Variants in SVIL observed in about 807,000 individuals in gnomAD.
SVIL encodes the protein archvillin.
Under a neutral mutation model 240.4 loss-of-function variants are expected in SVIL, and 101 were observed. The observed-to-expected ratio is 0.42, with a 90% confidence interval of 0.36 to 0.50. The LOEUF is 0.50. SVIL is among the 20% of genes least tolerant of loss of function. SVIL has a pLI of 0.01. For synonymous variants in SVIL, 999 were observed against 1,100.0 expected, an observed-to-expected ratio of 0.91 and a Z score of 1.82; for missense variants, 2,512 against 2,818.7, an observed-to-expected ratio of 0.89 and a Z score of 2.46.
At chr10:29,488,560 C>A (rs767614534) in intron 23 of SVIL, 41 bp downstream of exon 23, 4 of 1,515,682 alleles carry the variant, frequency 2.6e-6, no homozygotes, top group Admixed American at 4.9e-5. Flanking sequence ...CAGACAGAAA[C>A]CACGGGCCCT....
intron 1 of SVIL, among the ~76,000 whole-genome samples, chr10:29,726,066 T>C (rs769366158): frequency 6.6e-6 from 1 of 152,134 alleles, no homozygotes; most frequent in African/African-American, 2.4e-5. Flanking sequence ...GGACTACAGG[T>C]GTGTGCCACC....
chr10:29,676,226 C>T (rs1242871937), intron 2 of SVIL, among the ~76,000 whole-genome samples: 1 of 152,220 alleles, frequency 6.6e-6, no homozygotes, highest in African/African-American at 2.4e-5. Context: ...TCTTCCCTGG[C>T]AGTACTGATT....
intron 1 of SVIL, among the ~76,000 whole-genome samples, chr10:29,622,687 T>C (rs139801941): frequency 7.9e-5 from 12 of 152,282 alleles, no homozygotes; most frequent in African/African-American, 2.9e-4. Flanking sequence ...TTTAAGCTAA[T>C]GTCTCCCAGA....
At chr10:29,520,434 C>A (rs1436678229) in intron 16 of SVIL, among the ~76,000 whole-genome samples, 1 of 152,222 alleles carries the variant, frequency 6.6e-6, no homozygotes, top group Non-Finnish European at 1.5e-5. Context: ...CATCCCTCTC[C>A]TCATTGCACT....
chr10:29,569,751 T>TG (rs1955289927), intron 1 of SVIL, among the ~76,000 whole-genome samples: 1 of 151,998 alleles, frequency 6.6e-6, no homozygotes, highest in South Asian at 2.1e-4. Context: ...AGAATGGGGG[T>TG]GGGGTCTGAA....
intron 6 of SVIL, among the ~76,000 whole-genome samples, chr10:29,537,651 T>C (rs984482473): frequency 6.6e-6 from 1 of 152,204 alleles, no homozygotes; most frequent in African/African-American, 2.4e-5. Flanking sequence ...TGGAAACACA[T>C]TGCAGCTCAA....
chr10:29,494,833 T>C, intron 20 of SVIL, 81 bp downstream of exon 20: 1 of 1,431,152 alleles, frequency 7.0e-7, no homozygotes, highest in South Asian at 1.2e-5. Flanking sequence ...AAAACTTCTT[T>C]TTTTTGGCTG....
intron 27 of SVIL, among the ~76,000 whole-genome samples, chr10:29,482,201 G>C (rs1467936076): frequency 6.6e-6 from 1 of 151,798 alleles, no homozygotes; most frequent in Admixed American, 6.6e-5. Flanking sequence ...GCTAATTTTT[G>C]TATTTTTTTA....
At chr10:29,709,998 C>T (rs1156685686) in intron 1 of SVIL, among the ~76,000 whole-genome samples, 2 of 152,024 alleles carry the variant, frequency 1.3e-5, no homozygotes, top group African/African-American at 4.8e-5. Flanking sequence ...CACTTCTGAA[C>T]TCGATCTTGC....
chr10:29,473,171 C>T (rs1451787043), intron 30 of SVIL, among the ~76,000 whole-genome samples: 2 of 151,916 alleles, frequency 1.3e-5, no homozygotes, highest in African/African-American at 4.8e-5. Flanking sequence ...GGGCCCATCA[C>T]GAAGGTGCTG....
intron 1 of SVIL, among the ~76,000 whole-genome samples, chr10:29,694,331 T>C (rs1164251942): frequency 2.0e-5 from 3 of 151,268 alleles, no homozygotes; most frequent in Non-Finnish European, 1.5e-5. Flanking sequence ...AGCCCAGGAG[T>C]TGGAGGCTGC....
intron 17 of SVIL, among the ~76,000 whole-genome samples, chr10:29,505,520 G>A (rs1363689750): frequency 2.6e-5 from 4 of 151,764 alleles, no homozygotes; most frequent in African/African-American, 9.7e-5. Context: ...CCAAGGACTG[G>A]GCGGTGAGAG....
chr10:29,674,737 G>A (rs1246234120), intron 2 of SVIL, among the ~76,000 whole-genome samples: 3 of 152,308 alleles, frequency 2.0e-5, no homozygotes, highest in Non-Finnish European at 2.9e-5. Context: ...TGGGCTACAA[G>A]TCAAGGTGTT....
At chr10:29,607,875 T>C (rs1442725612) in intron 1 of SVIL, among the ~76,000 whole-genome samples, 1 of 152,234 alleles carries the variant, frequency 6.6e-6, no homozygotes, top group Non-Finnish European at 1.5e-5. Context: ...AGATGTGAAC[T>C]GAGTTGCGAA....
chr10:29,483,591 C>T (rs536472897), intron 27 of SVIL: 2 of 152,270 alleles, frequency 1.3e-5, no homozygotes, highest in South Asian at 4.1e-4. Flanking sequence ...GTGATTATGC[C>T]ACTATTAAAT....
intron 3 of SVIL, among the ~76,000 whole-genome samples, chr10:29,655,254 G>A (rs1404105326): frequency 2.0e-5 from 3 of 152,168 alleles, no homozygotes; most frequent in Non-Finnish European, 4.4e-5. Flanking sequence ...GTCAGTCCAA[G>A]TCCTAAAGCC....
At chr10:29,499,607 C>T (rs1277412846) in intron 17 of SVIL, among the ~76,000 whole-genome samples, 1 of 152,156 alleles carries the variant, frequency 6.6e-6, no homozygotes, top group Non-Finnish European at 1.5e-5. Flanking sequence ...GTTTCTCTGT[C>T]TTAACCCATC....
intron 36 of SVIL, among the ~76,000 whole-genome samples, chr10:29,460,711 C>A (rs1289733074): frequency 6.6e-6 from 1 of 152,038 alleles, no homozygotes; most frequent in African/African-American, 2.4e-5. Flanking sequence ...GAGTTCAAGA[C>A]CAGACTGAGA....
chr10:29,533,320 A>T lies in SVIL; in HGVS notation c.1047T>A (p.Phe349Leu). The T allele has an allele frequency of 6.2e-7, 1 of 1,614,034 alleles. No individual in the cohort carries two copies. The highest frequency in any genetic ancestry group is 8.5e-7 in the Non-Finnish European group (1 of 1,179,992). ...YVSFQSEHSA[F>L]DRVPSKAAGS... ...CTGCTGCCTTGCTGGGGACCCTATC[A>T]AAGGCTGAGTGCTCAGACTGAAATG... Residue 349 changes from phenylalanine (F) to leucine (L), a missense_variant, in exon 8 of 38, where the codon TTT (phenylalanine) becomes TTA (leucine). Around this residue, in one of 3 missense-constraint regions of SVIL, gnomAD observed 1,443 missense variants for 1,486.6 expected, o/e 0.97. Transcript: ENST00000355867.
Sources: allele counts gnomAD v4.1 joint callset (sites outside exome capture counted in the v4.1 genomes callset), GRCh38; gene constraint gnomAD v4.1.1; regional missense constraint gnomAD v4.1.1; transcripts MANE v1.5; gene names NCBI Gene and HGNC (gene_info 2026-07-23, HGNC 2026-07-21).